TMEM132D: variants seen among roughly 807,000 people sequenced by gnomAD.
TMEM132D encodes the protein mature OL transmembrane protein.
A neutral mutation model predicts 62.3 loss-of-function variants in TMEM132D; 21 were observed. The observed-to-expected ratio is 0.34, with a 90% CI of 0.24 to 0.49. The LOEUF (loss-of-function observed/expected upper bound fraction) is 0.49. Among genes scored for constraint, TMEM132D ranks in the 20% least tolerant of loss-of-function variants. The pLI is 0.99. For missense variants in TMEM132D, 1,346 were observed against 1,402.8 expected (o/e 0.96, Z 0.65); for synonymous variants, 621 against 575.6 (o/e 1.08, Z -1.13).
chr12:129,444,255 C>T (rs922440993), intron 3 of TMEM132D, among the ~76,000 whole-genome samples: 3 of 152,094 alleles, frequency 2.0e-5, no homozygotes, highest in Non-Finnish European at 4.4e-5. Flanking sequence ...CAAAAATTGA[C>T]AAATGGGATC....
chr12:129,869,457 G>T (rs746174194), intron 1 of TMEM132D, among the ~76,000 whole-genome samples: 14 of 152,090 alleles, frequency 9.2e-5, no homozygotes, highest in Non-Finnish European at 1.9e-4. Context: ...TCATCTCTAG[G>T]TTACTCATAA....
intron 5 of TMEM132D, among the ~76,000 whole-genome samples, chr12:129,184,697 C>T (rs777612536): frequency 9.9e-5 from 15 of 152,206 alleles, no homozygotes; most frequent in Admixed American, 1.3e-4. Context: ...TTTCTTTGTT[C>T]GGTGTTCCTG....
intron 2 of TMEM132D, among the ~76,000 whole-genome samples, chr12:129,586,987 T>C (rs752351394): frequency 2.2e-4 from 34 of 152,256 alleles, no homozygotes; most frequent in African/African-American, 7.9e-4. Context: ...CAGTAGGATA[T>C]AGGTGTAAAG....
chr12:129,358,829 C>G (rs747773590), intron 3 of TMEM132D, among the ~76,000 whole-genome samples: 3 of 152,078 alleles, frequency 2.0e-5, no homozygotes, highest in Non-Finnish European at 4.4e-5. Context: ...CACAAATGCT[C>G]TGCTGCTGGA....
intron 2 of TMEM132D, among the ~76,000 whole-genome samples, chr12:129,629,889 G>T (rs1879311231): frequency 6.6e-6 from 1 of 152,194 alleles, no homozygotes; most frequent in South Asian, 2.1e-4. Context: ...AATTTGTGTA[G>T]TCAAATGTGG....
intron 1 of TMEM132D, among the ~76,000 whole-genome samples, chr12:129,832,529 C>G (rs1405991518): frequency 6.6e-6 from 1 of 152,132 alleles, no homozygotes; most frequent in African/African-American, 2.4e-5. Flanking sequence ...ATGACATCCT[C>G]GCAGCTTCCC....
At chr12:129,775,105 T>A (rs561749576) in intron 1 of TMEM132D, among the ~76,000 whole-genome samples, 10 of 152,244 alleles carry the variant, frequency 6.6e-5, no homozygotes, top group Admixed American at 1.3e-4. Flanking sequence ...TCTCAATAAA[T>A]GCCTAGCCTT....
chr12:129,813,953 A>G (rs1420638229), intron 1 of TMEM132D, among the ~76,000 whole-genome samples: 2 of 152,210 alleles, frequency 1.3e-5, no homozygotes, highest in Non-Finnish European at 2.9e-5. Context: ...ATAAAAATAC[A>G]ATACCAATGA....
At chr12:129,780,946 C>T (rs1229648699) in intron 1 of TMEM132D, among the ~76,000 whole-genome samples, 1 of 152,178 alleles carries the variant, frequency 6.6e-6, no homozygotes, top group African/African-American at 2.4e-5. Flanking sequence ...TAATTTCTAA[C>T]CAGCTCCTGA....
At chr12:129,373,653 C>T (rs1380933919) in intron 3 of TMEM132D, among the ~76,000 whole-genome samples, 1 of 150,748 alleles carries the variant, frequency 6.6e-6, no homozygotes, top group African/African-American at 2.4e-5. Context: ...CAAAACAAAA[C>T]AAAATAAAAA....
intron 1 of TMEM132D, among the ~76,000 whole-genome samples, chr12:129,876,431 T>C (rs1222257910): frequency 6.6e-6 from 1 of 152,236 alleles, no homozygotes; most frequent in Non-Finnish European, 1.5e-5. Flanking sequence ...TAAGGATTAT[T>C]GGTTGACTGT....
chr12:129,769,192 T>G (rs920742968), intron 1 of TMEM132D, among the ~76,000 whole-genome samples: 1 of 152,126 alleles, frequency 6.6e-6, no homozygotes, highest in African/African-American at 2.4e-5. Flanking sequence ...TAGTCTGTTC[T>G]CAAACTGCTA....
chr12:129,765,341 C>A (rs1870516331), intron 1 of TMEM132D, among the ~76,000 whole-genome samples: 1 of 152,052 alleles, frequency 6.6e-6, no homozygotes, highest in Admixed American at 6.6e-5. Context: ...CCAAGGGAGG[C>A]AGATCACCTG....
At chr12:129,638,813 C>T (rs954038432) in intron 2 of TMEM132D, among the ~76,000 whole-genome samples, 6 of 151,954 alleles carry the variant, frequency 3.9e-5, no homozygotes, top group African/African-American at 4.8e-5. Context: ...AAGCAGTCCC[C>T]GCAATTATGA....
At chr12:129,898,372 A>G (rs1157666467) in intron 1 of TMEM132D, among the ~76,000 whole-genome samples, 1 of 152,234 alleles carries the variant, frequency 6.6e-6, no homozygotes, top group African/African-American at 2.4e-5. Flanking sequence ...GAAGAACTTA[A>G]AATTTAGGAG....
intron 1 of TMEM132D, among the ~76,000 whole-genome samples, chr12:129,774,349 AG>A (rs377565845): frequency 8.5e-5 from 13 of 152,230 alleles, no homozygotes; most frequent in Admixed American, 2.0e-4. Context: ...TCAGATCTCA[AG>A]GTGACCTGCC....
At chr12:129,330,097 G>A (rs1343811554) in intron 4 of TMEM132D, among the ~76,000 whole-genome samples, 1 of 152,144 alleles carries the variant, frequency 6.6e-6, no homozygotes, top group Non-Finnish European at 1.5e-5. Context: ...ATGCAGCTGA[G>A]ATAAGGAGGG....
chr12:129,593,375 T>C (rs1486420599), intron 2 of TMEM132D, among the ~76,000 whole-genome samples: 2 of 152,196 alleles, frequency 1.3e-5, no homozygotes, highest in African/African-American at 2.4e-5. Context: ...TATTGTACTA[T>C]ACAAATTCTA....
At chr12:129,755,479 G>T (rs1404939131) in intron 1 of TMEM132D, among the ~76,000 whole-genome samples, 1 of 152,166 alleles carries the variant, frequency 6.6e-6, no homozygotes, top group African/African-American at 2.4e-5. Context: ...TATCAGAGGT[G>T]ATCTGGGTCC....
Sources: gnomAD v4.1 joint callset for allele counts (sites outside exome capture counted in the v4.1 genomes callset) on GRCh38, gnomAD v4.1.1 for gene constraint, MANE v1.5 for transcripts, NCBI Gene and HGNC (gene_info 2026-07-23, HGNC 2026-07-21) for gene names.